Variants in VCL observed in about 807,000 individuals in gnomAD.
VCL encodes the protein epididymis luminal protein 114.
A neutral mutation model predicts 125.7 loss-of-function variants in VCL; 47 were observed. The ratio of observed to expected loss-of-function variants is 0.37; its 90% CI spans 0.30 to 0.48. The LOEUF is 0.48. Among genes scored for constraint, VCL ranks in the 20% least tolerant of loss-of-function variants. The pLI, the probability that VCL is intolerant of heterozygous loss-of-function variation, is 0.99. For synonymous variants in VCL, 458 were observed against 514.6 expected (o/e 0.89, Z 1.49); for missense variants, 1,069 against 1,455.5 (o/e 0.73, Z 4.32).
chr10:74,112,108 G>A lies in VCL; in HGVS notation c.2945G>A (p.Ser982Asn). The A allele has an allele frequency of 6.2e-7, 1 of 1,614,222 alleles. No individual in the cohort carries two copies. The highest frequency in any genetic ancestry group is 8.5e-7 in the Non-Finnish European group (1 of 1,180,038). ...SLHREATKWS[S>N]KGNDIIAAAK... ...CATCGGGAAGCTACCAAGTGGTCTAGTAAGGTACTGATAAGCACCCCCAGT... is the reference window on the plus strand; with the variant it reads ...CATCGGGAAGCTACCAAGTGGTCTAATAAGGTACTGATAAGCACCCCCAGT... The change falls in exon 19 of 22, where the codon AGT becomes AAT. Residue 982 changes from serine (S) to asparagine (N), a missense_variant. Physicochemically the swap from Ser to Asn is conservative, Grantham distance 46 (BLOSUM62 1). Transcript: ENST00000211998.
In VCL at chr10:74,095,667, A is replaced by C. The variant is rs141033098; in HGVS notation, c.1555A>C (p.Ile519Leu). Residue 519 changes from isoleucine to leucine, a missense_variant, in exon 12 of 22, where the codon ATC becomes CTC. By Grantham distance (5) the Ile-to-Leu change is conservative. Coordinates refer to ENST00000211998, the MANE Select transcript of VCL (RefSeq NM_014000.3). ...TTCTCTTGGTCCAGGTCAGGCTGCCATCCGGGGGCTTGTGGCCGAAGGGCA... is the reference window on the plus strand; with the variant it reads ...TTCTCTTGGTCCAGGTCAGGCTGCCCTCCGGGGGCTTGTGGCCGAAGGGCA... The part of the protein sequence containing the change: ...VDDRGVGQAA[I>L]RGLVAEGHRL... 1,793 of 1,614,012 alleles carry C rather than the reference A, an allele frequency of 1.1e-3. 2 individuals are homozygous for C. The highest frequency in any genetic ancestry group is 1.4e-3 in the Non-Finnish European group (1,601 of 1,180,044).
At chr10:74,102,869 G>T (rs1031993886) in intron 14 of VCL, among the ~76,000 whole-genome samples, 1 of 146,394 alleles carries the variant, frequency 6.8e-6, no homozygotes, top group Non-Finnish European at 1.5e-5. Context: ...ACCTCTGTGA[G>T]TTTTTTTTTT....
intron 2 of VCL, among the ~76,000 whole-genome samples, chr10:74,058,295 C>T (rs1487162891): frequency 1.3e-5 from 2 of 152,146 alleles, no homozygotes; most frequent in South Asian, 2.1e-4. Flanking sequence ...CAAGTGTCGT[C>T]GTAGCCTTGT....
At chr10:74,091,791 C>CAAAAAAAAAAAAAAA (rs545539526) in intron 10 of VCL, among the ~76,000 whole-genome samples, 1 of 61,144 alleles carries the variant, frequency 1.6e-5, no homozygotes, top group African/African-American at 5.3e-5. Flanking sequence ...TCTGTCTCAG[C>CAAAAAAAAAAAAAAA]AAAAAAAAAA....
chr10:74,012,183 C>T (rs138437684), intron 1 of VCL, among the ~76,000 whole-genome samples: 2,017 of 152,248 alleles, frequency 0.013, 19 homozygotes, highest in Non-Finnish European at 0.022. Context: ...TCTCTCCATC[C>T]CTGGAGAACT....
intron 2 of VCL, among the ~76,000 whole-genome samples, chr10:74,069,889 A>G (rs1362195615): frequency 3.3e-5 from 5 of 152,230 alleles, no homozygotes; most frequent in East Asian, 3.9e-4. Context: ...CCACCACTCA[A>G]CCTTTGGCTG....
At chr10:74,064,942 G>T (rs1841542978) in intron 2 of VCL, among the ~76,000 whole-genome samples, 1 of 152,088 alleles carries the variant, frequency 6.6e-6, no homozygotes, top group African/African-American at 2.4e-5. Flanking sequence ...ATACGTAGAA[G>T]TATATTTTAA....
At chr10:74,095,633 T>G in intron 11 of VCL, 23 bp from the exon 12 acceptor site, 6 of 1,613,066 alleles carry the variant, frequency 3.7e-6, no homozygotes, top group Non-Finnish European at 4.2e-6. Flanking sequence ...CTTGTAAGTT[T>G]CATTGTTTTT....
chr10:74,038,112 C>T (rs1841020669), intron 1 of VCL, among the ~76,000 whole-genome samples: 1 of 151,918 alleles, frequency 6.6e-6, no homozygotes, highest in Admixed American at 6.6e-5. Flanking sequence ...ATTTTCCTGC[C>T]TCAGCCTCCC....
chr10:73,998,354 G>T lies in VCL; in HGVS notation c.147G>T (p.Ala49=). 6.5e-7 allele frequency: 1 copy of T among 1,546,250 alleles called. No homozygotes were observed. The highest frequency in any genetic ancestry group is 8.7e-7 in the Non-Finnish European group (1 of 1,144,202). ...DLTAPVAAVQ[A]AVSNLVRVGK... ...CCGCGCCCGTGGCCGCCGTGCAGGC[G>T]GCCGTCAGCAACCTCGTCCGGGTGA... The change falls in exon 1 of 22, where the codon GCG becomes GCT. Residue 49 remains alanine (A), a synonymous_variant. Coordinates refer to ENST00000211998, the MANE Select transcript of VCL (RefSeq NM_014000.3).
At chr10:74,112,572 G>T (rs941460730) in intron 19 of VCL, among the ~76,000 whole-genome samples, 16 of 152,228 alleles carry the variant, frequency 1.1e-4, no homozygotes, top group African/African-American at 3.9e-4. Flanking sequence ...CAGGGTCTCT[G>T]GGGGAGGACT....
chr10:74,088,225 C>T (rs1260681647), intron 8 of VCL, among the ~76,000 whole-genome samples: 1 of 152,150 alleles, frequency 6.6e-6, no homozygotes, highest in Non-Finnish European at 1.5e-5. Flanking sequence ...GCAAATCATA[C>T]TTTGTGACTT....
intron 1 of VCL, chr10:74,027,606 A>G (rs1216304364): frequency 7.2e-6 from 1 of 138,094 alleles, no homozygotes; most frequent in African/African-American, 2.7e-5. Flanking sequence ...TGTTGCAGCC[A>G]TTGCGCTCCA....
At chr10:74,080,924 C>T (rs534088308) in intron 6 of VCL, among the ~76,000 whole-genome samples, 3 of 152,184 alleles carry the variant, frequency 2.0e-5, no homozygotes, top group Non-Finnish European at 2.9e-5. Context: ...TTGAAGGCAA[C>T]GTTTTCTGCA....
At chr10:74,030,949 C>G (rs1206893452) in intron 1 of VCL, among the ~76,000 whole-genome samples, 1 of 152,126 alleles carries the variant, frequency 6.6e-6, no homozygotes, top group Non-Finnish European at 1.5e-5. Context: ...CAAAAACCAT[C>G]CTTGCCCCAA....
chr10:74,104,616 G>T (rs1037040599), intron 15 of VCL, among the ~76,000 whole-genome samples: 2 of 152,126 alleles, frequency 1.3e-5, no homozygotes, highest in Non-Finnish European at 2.9e-5. Flanking sequence ...GGCTGTTAGG[G>T]TTATTGGAAT....
In VCL at chr10:74,074,227, A is replaced by G. The variant is rs186202374; in HGVS notation, c.623-516A>G. On this transcript the variant is annotated intron_variant, in intron 5 of 21. Coordinates refer to ENST00000211998, the MANE Select transcript of VCL (RefSeq NM_014000.3). The stretch of plus-strand genomic sequence containing the variant: ...GTTGGGATTACAGGCGTGAGCCACC[A>G]TGCCCAGACATTATTTTTTTCTTCT... 3.5e-3 allele frequency among the ~76,000 whole-genome samples: 535 copies of G among 152,322 alleles called. 1 individual carries two copies. The highest frequency in any genetic ancestry group is 0.012 in the African/African-American group (496 of 41,560).
chr10:74,112,908 A>G (rs1311660703), intron 19 of VCL, among the ~76,000 whole-genome samples: 1 of 152,194 alleles, frequency 6.6e-6, no homozygotes, highest in Non-Finnish European at 1.5e-5. Context: ...GGGTCCTGGA[A>G]TGATCCTAGG....
intron 2 of VCL, among the ~76,000 whole-genome samples, chr10:74,052,296 C>CT (rs1006371590): frequency 6.8e-6 from 1 of 147,000 alleles, no homozygotes; most frequent in Non-Finnish European, 1.5e-5. Context: ...TCTATAGCTT[C>CT]TTTTTTTTTC....
Sources: gnomAD v4.1 joint callset for allele counts (sites outside exome capture counted in the v4.1 genomes callset) on GRCh38, gnomAD v4.1.1 for gene constraint, MANE v1.5 for transcripts, NCBI Gene and HGNC (gene_info 2026-07-23, HGNC 2026-07-21) for gene names.